The following CNTN5 variants were observed in gnomAD, a reference collection of about 807,000 sequenced individuals.
CNTN5 encodes contactin 5, also known as contactin-5.
In CNTN5, 77 loss-of-function variants were observed where a neutral mutation model predicts 129.1. That is an observed-to-expected ratio of 0.60 (90% confidence interval 0.50 to 0.72). The LOEUF (loss-of-function observed/expected upper bound fraction) is 0.72. Among genes scored for constraint, CNTN5 ranks in the 30% least tolerant of loss-of-function variants. The pLI, the probability that CNTN5 is intolerant of heterozygous loss-of-function variation, is 0.00. For synonymous variants in CNTN5, 509 were observed against 465.6 expected (o/e 1.09, Z -1.20); for missense variants, 1,478 against 1,328.8 (o/e 1.11, Z -1.75).
At chr11:99,223,927 G>C (rs530935563) in intron 1 of CNTN5, among the ~76,000 whole-genome samples, 1 of 152,144 alleles carries the variant, frequency 6.6e-6, no homozygotes, top group Non-Finnish European at 1.5e-5. Flanking sequence ...ATTCATTATA[G>C]GACATTGTTG....
At chr11:100,213,351 C>T (rs972999111) in intron 15 of CNTN5, among the ~76,000 whole-genome samples, 2 of 152,150 alleles carry the variant, frequency 1.3e-5, no homozygotes, top group Non-Finnish European at 2.9e-5. Flanking sequence ...TTACATATTT[C>T]TGCTAGCTTG....
chr11:100,029,321 G>A (rs953544741), intron 9 of CNTN5, among the ~76,000 whole-genome samples: 2 of 152,130 alleles, frequency 1.3e-5, no homozygotes, highest in East Asian at 1.9e-4. Flanking sequence ...GGTGGCTCAC[G>A]CCTGTAATCC....
chr11:99,845,607 C>G (rs945812584), intron 6 of CNTN5, among the ~76,000 whole-genome samples: 2 of 151,844 alleles, frequency 1.3e-5, no homozygotes, highest in Non-Finnish European at 2.9e-5. Flanking sequence ...CTCCTGACCT[C>G]GTGATCCGCC....
Position 100,023,127 on chromosome 11 carries a change from A to G in CNTN5, c.980+20991A>G, listed in dbSNP as rs376241051. 5.6e-4 allele frequency among the ~76,000 whole-genome samples: 85 copies of G among 152,296 alleles called. 1 individual carries two copies. The South Asian group carries it at 0.017, about 30-fold the overall frequency. ...TTTAATTTGGAAGCTACAATTACAC[A>G]TATAATAGTCTGTTTGAAATTACCC... On this transcript the variant is annotated intron_variant, in intron 9 of 24. Transcript: ENST00000524871.
chr11:99,338,950 G>GTGATATATATATATATATATATATATCTC (rs1866379153), intron 2 of CNTN5, among the ~76,000 whole-genome samples: 1 of 108,974 alleles, frequency 9.2e-6, no homozygotes, highest in African/African-American at 3.1e-5. Flanking sequence ...ATATATATCT[G>GTGATATATATATATATATATATATATCTC]TGATATATAT....
intron 3 of CNTN5, among the ~76,000 whole-genome samples, chr11:99,641,381 C>A (rs113435776): frequency 6.7e-6 from 1 of 148,946 alleles, no homozygotes; most frequent in Admixed American, 6.9e-5. Context: ...TACCTCAATT[C>A]TAGTTACTAA....
intron 20 of CNTN5, among the ~76,000 whole-genome samples, chr11:100,305,199 G>T (rs1951320090): frequency 6.6e-6 from 1 of 151,502 alleles, no homozygotes; most frequent in East Asian, 2.0e-4. Context: ...AGTAGAGTCT[G>T]GATAAATTAA....
At chr11:99,874,728 A>G (rs1320706038) in intron 6 of CNTN5, among the ~76,000 whole-genome samples, 2 of 152,228 alleles carry the variant, frequency 1.3e-5, no homozygotes, top group Non-Finnish European at 2.9e-5. Context: ...TTCCAAGTCA[A>G]CAAATTGAAT....
intron 1 of CNTN5, among the ~76,000 whole-genome samples, chr11:99,106,707 A>C (rs927954783): frequency 6.6e-6 from 1 of 152,046 alleles, no homozygotes; most frequent in Non-Finnish European, 1.5e-5. Flanking sequence ...ATTTCACTGT[A>C]ATGTCTTATA....
In CNTN5 at chr11:99,298,053, T is replaced by G. The variant is rs575470658; in HGVS notation, c.-209-27293T>G. 3.9e-5 allele frequency among the ~76,000 whole-genome samples: 6 copies of G among 152,084 alleles called. No homozygotes were observed. The East Asian group carries it at 1.2e-3, about 29-fold the overall frequency. ...GCTCAGAAATCTGAGAGGGAGCTTA[T>G]CCATGATCTCCAGCTGCTCTGAGAG... On this transcript the variant is annotated intron_variant, in intron 1 of 24. Transcript: ENST00000524871.
intron 1 of CNTN5, among the ~76,000 whole-genome samples, chr11:99,142,633 T>C (rs1050323242): frequency 2.0e-5 from 3 of 152,094 alleles, no homozygotes; most frequent in African/African-American, 4.8e-5. Context: ...GACAGCCCTG[T>C]TCTGTCCAGG....
chr11:100,137,097 T>C (rs1046618719), intron 13 of CNTN5, among the ~76,000 whole-genome samples: 31 of 152,016 alleles, frequency 2.0e-4, no homozygotes, highest in African/African-American at 6.8e-4. Flanking sequence ...ATATAAAAGA[T>C]TTAAGGTAAA....
chr11:99,411,628 C>T (rs538582014), intron 2 of CNTN5, among the ~76,000 whole-genome samples: 4 of 152,168 alleles, frequency 2.6e-5, no homozygotes, highest in Non-Finnish European at 4.4e-5. Context: ...CCAAGGAGAA[C>T]TTCCACCCAG....
chr11:99,438,493 T>A (rs1943687245), intron 2 of CNTN5, among the ~76,000 whole-genome samples: 1 of 152,182 alleles, frequency 6.6e-6, no homozygotes, highest in Admixed American at 6.5e-5. Context: ...TTCTGCCTTC[T>A]TTATTTTCCT....
chr11:99,293,708 G>A (rs562878507), intron 1 of CNTN5, among the ~76,000 whole-genome samples: 5 of 152,010 alleles, frequency 3.3e-5, no homozygotes, highest in African/African-American at 7.2e-5. Context: ...TTTGGTGTAC[G>A]GTTGTTCATA....
chr11:100,326,321 G>T (rs1288944970), intron 21 of CNTN5, among the ~76,000 whole-genome samples: 2 of 152,082 alleles, frequency 1.3e-5, no homozygotes, highest in African/African-American at 4.8e-5. Flanking sequence ...CAGAAAAAAA[G>T]TGAACAAAAC....
At chr11:99,733,709 G>A (rs1943610095) in intron 3 of CNTN5, among the ~76,000 whole-genome samples, 1 of 152,156 alleles carries the variant, frequency 6.6e-6, no homozygotes, top group East Asian at 1.9e-4. Flanking sequence ...CTGATGGAGG[G>A]CGGTGAGGGG....
chr11:99,199,203 T>G (rs1859047457), intron 1 of CNTN5, among the ~76,000 whole-genome samples: 1 of 152,008 alleles, frequency 6.6e-6, no homozygotes, highest in Non-Finnish European at 1.5e-5. Context: ...TCTTCAAAAA[T>G]TTTTCAAGTC....
At chr11:100,318,579 T>G (rs915261089) in intron 21 of CNTN5, among the ~76,000 whole-genome samples, 1 of 152,016 alleles carries the variant, frequency 6.6e-6, no homozygotes, top group African/African-American at 2.4e-5. Flanking sequence ...AGTGCAAAAA[T>G]TATTTTATTT....
Sources: allele counts gnomAD v4.1 joint callset (sites outside exome capture counted in the v4.1 genomes callset), GRCh38; gene constraint gnomAD v4.1.1; transcripts MANE v1.5; gene names NCBI Gene and HGNC (gene_info 2026-07-23, HGNC 2026-07-21).